MYOM1: variants seen among roughly 807,000 people sequenced by gnomAD.
MYOM1 encodes the protein myomesin 1.
In MYOM1, 164 loss-of-function variants were observed where a neutral mutation model predicts 205.3. The observed-to-expected ratio is 0.80, with a 90% CI of 0.70 to 0.91. MYOM1 has a LOEUF of 0.91. MYOM1 is among the 40% of genes least tolerant of loss of function. The probability of loss-of-function intolerance (pLI) is 0.00; values close to 1 mark genes in which losing one functional copy is unlikely to be tolerated. For synonymous variants in MYOM1, 772 were observed against 789.4 expected, an observed-to-expected ratio of 0.98 and a Z score of 0.37; for missense variants, 2,011 against 2,127.3, an observed-to-expected ratio of 0.95 and a Z score of 1.08.
rs191564860 is a variant in MYOM1, at chr18:3,144,264, A to G, written c.1901-2201T>C. On this transcript the variant is annotated intron_variant, in intron 13 of 37. Coordinates refer to ENST00000356443, the MANE Select transcript of MYOM1 (RefSeq NM_003803.4). ...TCTTACACTACATGTGAAGTAATAT[A>G]ATATTACTGGAAGGTAGACTGTGAA... Among the ~76,000 whole-genome samples the G allele has an allele frequency of 1.1e-4, 16 of 152,292 alleles. No homozygotes were observed. The East Asian group carries it at 3.1e-3, about 29-fold the overall frequency.
At chr18:3,171,014 A>G (rs993469992) in intron 8 of MYOM1, among the ~76,000 whole-genome samples, 1 of 152,226 alleles carries the variant, frequency 6.6e-6, no homozygotes, top group Admixed American at 6.5e-5. Flanking sequence ...AATACCCCAT[A>G]TTAACAGAAA....
chr18:3,215,540 C>T (rs1472990129), intron 1 of MYOM1, among the ~76,000 whole-genome samples: 1 of 151,960 alleles, frequency 6.6e-6, no homozygotes, highest in Non-Finnish European at 1.5e-5. Context: ...GACTTCGAGG[C>T]TGCAGGGAGC....
At chr18:3,154,542 C>T (rs2080265010) in intron 11 of MYOM1, among the ~76,000 whole-genome samples, 1 of 151,500 alleles carries the variant, frequency 6.6e-6, no homozygotes, top group African/African-American at 2.4e-5. Context: ...TGGGGAGTGA[C>T]CCACTCCATC....
intron 22 of MYOM1, among the ~76,000 whole-genome samples, chr18:3,108,372 CCTT>C (rs1366381740): frequency 6.6e-6 from 1 of 152,074 alleles, no homozygotes; most frequent in African/African-American, 2.4e-5. Flanking sequence ...TGGATCTCCT[CCTT>C]GATAAATTTG....
At chr18:3,078,044 A>ATT (rs143642028) in intron 34 of MYOM1, among the ~76,000 whole-genome samples, 4 of 145,940 alleles carry the variant, frequency 2.7e-5, no homozygotes, top group African/African-American at 7.5e-5. Flanking sequence ...TTGAGGTTGT[A>ATT]TTTTTTTTTT....
At chr18:3,175,920 G>C (rs2080632562) in intron 6 of MYOM1, 122 bp downstream of exon 6, 2 of 646,002 alleles carry the variant, frequency 3.1e-6, no homozygotes, top group Admixed American at 2.3e-5. Context: ...CACCGTATAC[G>C]AATGTCCCTC....
intron 17 of MYOM1, among the ~76,000 whole-genome samples, chr18:3,130,823 TACATC>T (rs1211179612): frequency 1.3e-5 from 2 of 152,292 alleles, no homozygotes; most frequent in Admixed American, 1.3e-4. Flanking sequence ...GATTGGGAGG[TACATC>T]ACATACACAC....
the MYOM1 span, among the ~76,000 whole-genome samples, chr18:3,244,111 A>G: frequency 6.6e-6 from 1 of 152,144 alleles, no homozygotes; most frequent in Non-Finnish European, 1.5e-5. Context: ...CGTCCTGTGC[A>G]TAGTAGGATG....
At chr18:3,234,186 G>A in the MYOM1 span, among the ~76,000 whole-genome samples, 20 of 152,184 alleles carry the variant, frequency 1.3e-4, no homozygotes, top group African/African-American at 4.8e-4. Context: ...CAATAAAGAA[G>A]AAGAAGAAGA....
intron 3 of MYOM1, among the ~76,000 whole-genome samples, chr18:3,192,198 G>A (rs1225216469): frequency 3.3e-5 from 5 of 152,060 alleles, no homozygotes; most frequent in Non-Finnish European, 7.4e-5. Flanking sequence ...GAAACAGAGT[G>A]GGAAAAATAC....
At chr18:3,217,955 C>A (rs1662313) in intron 1 of MYOM1, among the ~76,000 whole-genome samples, 17,865 of 152,062 alleles carry the variant, frequency 0.12, 1,489 homozygotes, top group African/African-American at 0.24. Context: ...AACCAGAAAA[C>A]AAAACAAAAC....
At chr18:3,154,926 G>C in intron 11 of MYOM1, 21 bp downstream of exon 11, 4 of 1,603,724 alleles carry the variant, frequency 2.5e-6, no homozygotes, top group Non-Finnish European at 2.6e-6. Context: ...AACTGTAATT[G>C]ATGTTAGCCT....
chr18:3,075,822 G>A (rs911288555), intron 34 of MYOM1, 61 bp from the exon 35 acceptor site: 24 of 1,440,914 alleles, frequency 1.7e-5, no homozygotes, highest in South Asian at 2.4e-5. Flanking sequence ...ACACAGGGGC[G>A]ATTAAAATTC....
rs545310122 is a variant in MYOM1, at chr18:3,091,980, C to A, written c.3865-1178G>T. On this transcript the variant is annotated intron_variant, in intron 26 of 37. Coordinates refer to ENST00000356443, the MANE Select transcript of MYOM1 (RefSeq NM_003803.4). ...GTCCTGACCTCAAGTGATCTGCCCA[C>A]CTCGGCCTCCCAAAGTGCTGGGATT... Among the ~76,000 whole-genome samples the A allele has an allele frequency of 1.5e-3, 222 of 152,290 alleles. 1 individual carries two copies. Among genetic ancestry groups the A allele is most frequent in the South Asian group, 3.5e-3 (17 of 4,828 alleles).
At chr18:3,126,947 CTATA>C (rs2079796292) in intron 18 of MYOM1, 50 bp from the exon 19 acceptor site, 1 of 1,502,590 alleles carries the variant, frequency 6.7e-7, no homozygotes, top group Admixed American at 2.0e-5. Flanking sequence ...ATTTATGATT[CTATA>C]TATAAACATT....
At chr18:3,136,585 C>A (rs1306614496) in intron 14 of MYOM1, among the ~76,000 whole-genome samples, 1 of 152,002 alleles carries the variant, frequency 6.6e-6, no homozygotes, top group Non-Finnish European at 1.5e-5. Context: ...TGCCACCACA[C>A]CTGGCTAATT....
the MYOM1 span, among the ~76,000 whole-genome samples, chr18:3,244,297 T>A: frequency 1.3e-5 from 2 of 152,182 alleles, no homozygotes; most frequent in Non-Finnish European, 1.5e-5. Context: ...TAGTGGGCCT[T>A]GAGAGGTATT....
At position 3,140,121 on chromosome 18, in the gene MYOM1, A is replaced by T. The variant is rs191179887; in HGVS notation, c.2025+1818T>A. ...TCTATTTTCTTTTAAAAAGCTTAGAATGCAGCCGGGCGTGGTGGGTCATGC... is the reference window on the plus strand; with the variant it reads ...TCTATTTTCTTTTAAAAAGCTTAGATTGCAGCCGGGCGTGGTGGGTCATGC... On this transcript the variant is annotated intron_variant, in intron 14 of 37. Coordinates refer to ENST00000356443, the MANE Select transcript of MYOM1 (RefSeq NM_003803.4). Among the ~76,000 whole-genome samples, 384 of 152,254 alleles carry T rather than the reference A, an allele frequency of 2.5e-3. 1 individual carries two copies. The highest frequency in any genetic ancestry group is 4.1e-3 in the Non-Finnish European group (277 of 67,998).
chr18:3,110,991 G>A (rs940663876), intron 22 of MYOM1, among the ~76,000 whole-genome samples: 3 of 141,602 alleles, frequency 2.1e-5, no homozygotes, highest in Admixed American at 1.5e-4. Flanking sequence ...TCTCACTGTC[G>A]CCTGGGATGG....
Sources: allele counts gnomAD v4.1 joint callset (sites outside exome capture counted in the v4.1 genomes callset), GRCh38; gene constraint gnomAD v4.1.1; transcripts MANE v1.5; gene names NCBI Gene and HGNC (gene_info 2026-07-23, HGNC 2026-07-21).